The following DLG2 variants were observed in gnomAD, a reference collection of about 807,000 sequenced individuals.
DLG2 encodes disks large homolog 2.
DLG2 carries 45 observed loss-of-function variants against 132.5 expected under a neutral mutation model. The observed-to-expected ratio is 0.34, with a 90% CI of 0.27 to 0.44. The LOEUF is 0.44. Ranked by LOEUF, DLG2 falls within the 20% of genes least tolerant of loss-of-function variation. The probability of loss-of-function intolerance (pLI) is 1.00; values close to 1 mark genes in which losing one functional copy is unlikely to be tolerated. For missense variants in DLG2, 1,045 were observed against 1,196.9 expected (o/e 0.87, Z 1.87); for synonymous variants, 424 against 419.6 (o/e 1.01, Z -0.13).
chr11:84,955,895 ATAT>A (rs1042862390), intron 6 of DLG2, among the ~76,000 whole-genome samples: 1 of 152,198 alleles, frequency 6.6e-6, no homozygotes, highest in Non-Finnish European at 1.5e-5. Context: ...GGTAAAAGAC[ATAT>A]TATTTGACCT....
chr11:85,341,408 C>T (rs2082492832), intron 3 of DLG2, among the ~76,000 whole-genome samples: 1 of 152,230 alleles, frequency 6.6e-6, no homozygotes, highest in Non-Finnish European at 1.5e-5. Context: ...GCATGAGCCA[C>T]CGTGCCTAGC....
At chr11:83,529,002 A>G (rs2095673535) in intron 21 of DLG2, among the ~76,000 whole-genome samples, 1 of 152,086 alleles carries the variant, frequency 6.6e-6, no homozygotes, top group East Asian at 1.9e-4. Context: ...TCGTGTACAT[A>G]CTACTAATAA....
intron 3 of DLG2, chr11:85,469,803 G>T (rs1158036424): frequency 2.6e-5 from 4 of 152,188 alleles, no homozygotes; most frequent in African/African-American, 9.7e-5. Flanking sequence ...GAGGCCAGTT[G>T]AAGGGAATCA....
chr11:85,505,461 G>A (rs2093908073), intron 3 of DLG2, among the ~76,000 whole-genome samples: 1 of 152,102 alleles, frequency 6.6e-6, no homozygotes, highest in Admixed American at 6.6e-5. Flanking sequence ...AGGCTTTTCT[G>A]CATTTATTGA....
chr11:84,503,795 G>C (rs2099229804), intron 7 of DLG2, among the ~76,000 whole-genome samples: 1 of 152,220 alleles, frequency 6.6e-6, no homozygotes, highest in Non-Finnish European at 1.5e-5. Context: ...AGTGAAGAAA[G>C]TGAAATATTA....
chr11:85,014,720 C>G (rs1397207109), intron 6 of DLG2, among the ~76,000 whole-genome samples: 1 of 152,208 alleles, frequency 6.6e-6, no homozygotes, highest in Non-Finnish European at 1.5e-5. Flanking sequence ...TAACACACAT[C>G]AGCTCCACAT....
At chr11:83,867,746 C>T (rs1310228230) in intron 16 of DLG2, among the ~76,000 whole-genome samples, 1 of 152,136 alleles carries the variant, frequency 6.6e-6, no homozygotes, top group Non-Finnish European at 1.5e-5. Context: ...CAGATGGCAA[C>T]AGAAATCCAG....
At chr11:85,097,324 G>T (rs1466124741) in intron 6 of DLG2, among the ~76,000 whole-genome samples, 1 of 152,114 alleles carries the variant, frequency 6.6e-6, no homozygotes, top group African/African-American at 2.4e-5. Context: ...GGGACTATCT[G>T]GAATTTTAGG....
At chr11:83,725,463 C>G (rs1323913194) in intron 18 of DLG2, 1 of 152,292 alleles carries the variant, frequency 6.6e-6, no homozygotes, top group Non-Finnish European at 1.5e-5. Flanking sequence ...CTGCTTAAAT[C>G]GTCCCTTAGG....
chr11:84,656,539 T>G (rs551990860), intron 6 of DLG2, among the ~76,000 whole-genome samples: 2 of 152,298 alleles, frequency 1.3e-5, no homozygotes, highest in East Asian at 3.9e-4. Context: ...CTGGGCTAGA[T>G]GTCATAAATC....
At chr11:83,747,306 T>TCCTTCCTG (rs1566804698) in intron 18 of DLG2, among the ~76,000 whole-genome samples, 3 of 148,866 alleles carry the variant, frequency 2.0e-5, no homozygotes, top group Admixed American at 6.7e-5. Context: ...CTTCCTTCCT[T>TCCTTCCTG]CCTTCCTTCC....
intron 8 of DLG2, among the ~76,000 whole-genome samples, chr11:84,197,036 C>CAAAAAAAAAAA (rs60877284): frequency 4.5e-5 from 4 of 87,936 alleles, no homozygotes; most frequent in African/African-American, 1.3e-4. Context: ...GACTCTTTCT[C>CAAAAAAAAAAA]AAAAAAAAAA....
chr11:84,798,140 G>T lies in DLG2; in HGVS notation c.358-263409C>A, dbSNP rs147990480. ...TCAGATCTGAAGAGAATAGAGCACT[G>T]TACCTTGTCCAAGACCACTGTAACC... On this transcript the variant is annotated intron_variant, in intron 6 of 27. Transcript: ENST00000376104. 6.3e-4 allele frequency among the ~76,000 whole-genome samples: 96 copies of T among 152,230 alleles called. 1 individual carries two copies. In the East Asian group the frequency reaches 7.2e-3, roughly 11 times the overall value.
intron 18 of DLG2, chr11:83,652,014 T>C: frequency 3.0e-6 from 1 of 330,012 alleles, no homozygotes; most frequent in Middle Eastern, 4.1e-4. Flanking sequence ...TTGGCCCTGT[T>C]AGAGAATTGA....
intron 10 of DLG2, among the ~76,000 whole-genome samples, chr11:84,063,775 G>A (rs2096628121): frequency 2.0e-5 from 3 of 152,252 alleles, no homozygotes; most frequent in African/African-American, 7.2e-5. Context: ...ATGGAATACT[G>A]TGCAGCCATA....
chr11:83,715,404 G>C (rs2086459804), intron 18 of DLG2, among the ~76,000 whole-genome samples: 1 of 152,142 alleles, frequency 6.6e-6, no homozygotes, highest in South Asian at 2.1e-4. Context: ...GTTAAAAAGG[G>C]ATTCCTTGCA....
chr11:83,554,434 T>TA (rs1426808168), intron 19 of DLG2, among the ~76,000 whole-genome samples: 1 of 152,172 alleles, frequency 6.6e-6, no homozygotes, highest in Non-Finnish European at 1.5e-5. Flanking sequence ...CCTGAATAGA[T>TA]ATTGTTTGAA....
intron 3 of DLG2, among the ~76,000 whole-genome samples, chr11:85,299,344 G>C (rs1272746621): frequency 6.6e-6 from 1 of 152,124 alleles, no homozygotes; most frequent in East Asian, 1.9e-4. Context: ...TTTATGTCTG[G>C]AGTAATTGTT....
intron 8 of DLG2, among the ~76,000 whole-genome samples, chr11:84,240,747 T>A (rs1301156051): frequency 6.6e-6 from 1 of 152,194 alleles, no homozygotes; most frequent in East Asian, 1.9e-4. Flanking sequence ...GGAGCTTGTG[T>A]CAGTTGTTCT....
Sources: gnomAD v4.1 joint callset for allele counts (sites outside exome capture counted in the v4.1 genomes callset) on GRCh38, gnomAD v4.1.1 for gene constraint, MANE v1.5 for transcripts, NCBI Gene and HGNC (gene_info 2026-07-23, HGNC 2026-07-21) for gene names.